The following AGTPBP1 variants were observed in gnomAD, a reference collection of about 807,000 sequenced individuals.
AGTPBP1 encodes cytosolic carboxypeptidase 1.
AGTPBP1 carries 70 observed loss-of-function variants against 143.9 expected under a neutral mutation model. The observed-to-expected ratio is 0.49, with a 90% CI of 0.40 to 0.59. AGTPBP1 has a LOEUF of 0.59. AGTPBP1 is among the 20% of genes least tolerant of loss of function. AGTPBP1 has a pLI of 0.00. For synonymous variants in AGTPBP1, 463 were observed against 500.2 expected, an observed-to-expected ratio of 0.93 and a Z score of 0.99; for missense variants, 1,229 against 1,464.5, an observed-to-expected ratio of 0.84 and a Z score of 2.62.
intron 25 of AGTPBP1, among the ~76,000 whole-genome samples, chr9:85,573,337 C>G (rs933700326): frequency 6.6e-6 from 1 of 152,214 alleles, no homozygotes; most frequent in Non-Finnish European, 1.5e-5. Context: ...AGCTCCTAAC[C>G]GCGAGTGATC....
chr9:85,567,471 A>G (rs1346132835), intron 25 of AGTPBP1, among the ~76,000 whole-genome samples: 1 of 152,170 alleles, frequency 6.6e-6, no homozygotes, highest in African/African-American at 2.4e-5. Flanking sequence ...CCATGCCTGT[A>G]ATCCCAGCTA....
chr9:85,724,043 T>C (rs1838305102), intron 1 of AGTPBP1, among the ~76,000 whole-genome samples: 1 of 151,912 alleles, frequency 6.6e-6, no homozygotes, highest in Admixed American at 6.6e-5. Flanking sequence ...TCCTAGCACT[T>C]TGGGAGGCCG....
chr9:85,691,056 T>C (rs758745693), intron 3 of AGTPBP1, among the ~76,000 whole-genome samples: 1 of 152,184 alleles, frequency 6.6e-6, no homozygotes, highest in African/African-American at 2.4e-5. Flanking sequence ...GTTGGTTTTT[T>C]TGAGGAGGAG....
chr9:85,778,312 A>G, the AGTPBP1 span, among the ~76,000 whole-genome samples: 1 of 152,252 alleles, frequency 6.6e-6, no homozygotes, highest in South Asian at 2.1e-4. Context: ...ACCAAAGCCC[A>G]GTAACAGGCC....
intron 25 of AGTPBP1, among the ~76,000 whole-genome samples, chr9:85,550,094 T>C (rs1371417102): frequency 6.6e-6 from 1 of 151,976 alleles, no homozygotes; most frequent in Admixed American, 6.6e-5. Flanking sequence ...CAGTGCTAGC[T>C]CGGGCACATT....
At position 85,588,445 on chromosome 9, in the gene AGTPBP1, A is replaced by G; in HGVS notation, c.2756T>C (p.Val919Ala). 2 of 1,612,210 alleles carry G rather than the reference A, an allele frequency of 1.2e-6. No homozygotes were observed. The highest frequency in any genetic ancestry group is 2.2e-5 in the South Asian group (2 of 90,686). Reference sequence around the variant, plus strand: ...ACTTGCATTAGTTTCTCCAGGATGTACCCGAGCAGACAAGAAAACGTAAGG... The same window carrying G: ...ACTTGCATTAGTTTCTCCAGGATGTGCCCGAGCAGACAAGAAAACGTAAGG... ...NRPYVFLSAR[V>A]HPGETNASWV... The change falls in exon 21 of 26, where the codon GTA becomes GCA. Residue 919 changes from valine (V) to alanine (A), a missense_variant. Around this residue, in one of 2 missense-constraint regions of AGTPBP1, gnomAD observed 486 missense variants for 652.3 expected, o/e 0.75. Transcript: ENST00000357081.
chr9:85,723,190 G>A (rs1838244785), intron 1 of AGTPBP1, among the ~76,000 whole-genome samples: 6 of 152,358 alleles, frequency 3.9e-5, no homozygotes, highest in Admixed American at 3.3e-4. Flanking sequence ...CATGCTGGGA[G>A]AGCCACTGCT....
At chr9:85,719,991 T>G (rs1438614921) in intron 1 of AGTPBP1, among the ~76,000 whole-genome samples, 3 of 152,224 alleles carry the variant, frequency 2.0e-5, no homozygotes, top group Non-Finnish European at 4.4e-5. Context: ...TGAACCAGCC[T>G]TGCATCCCAG....
intron 19 of AGTPBP1, 45 bp from the exon 20 acceptor site, chr9:85,589,726 C>A: frequency 6.5e-7 from 1 of 1,534,234 alleles, no homozygotes; most frequent in South Asian, 1.2e-5. Context: ...CTTAAAAAGT[C>A]CCTATGATAT....
At chr9:85,667,132 T>C (rs1834178613) in intron 8 of AGTPBP1, among the ~76,000 whole-genome samples, 1 of 152,112 alleles carries the variant, frequency 6.6e-6, no homozygotes, top group Non-Finnish European at 1.5e-5. Context: ...GACACCAATA[T>C]TCTGTGTTAC....
chr9:85,747,100 T>C, the AGTPBP1 span, among the ~76,000 whole-genome samples: 3 of 152,178 alleles, frequency 2.0e-5, no homozygotes, highest in Admixed American at 6.5e-5. Context: ...CAAGTGATCC[T>C]CTGGTCTTGG....
At chr9:85,612,683 G>A (rs1409817042) in intron 17 of AGTPBP1, among the ~76,000 whole-genome samples, 1 of 152,122 alleles carries the variant, frequency 6.6e-6, no homozygotes, top group Non-Finnish European at 1.5e-5. Flanking sequence ...TCTGTAGTGA[G>A]GGGCAGTCGT....
chr9:85,737,325 G>A (rs1457647999), intron 1 of AGTPBP1, among the ~76,000 whole-genome samples: 4 of 152,088 alleles, frequency 2.6e-5, no homozygotes, highest in Admixed American at 2.6e-4. Flanking sequence ...CTTTTTTAAT[G>A]AAAGTGACTG....
chr9:85,609,284 A>C (rs1193205263), intron 17 of AGTPBP1, among the ~76,000 whole-genome samples: 1 of 143,912 alleles, frequency 6.9e-6, no homozygotes, highest in Admixed American at 7.3e-5. Context: ...TACCAAGTGT[A>C]CAGATCTTTT....
intron 2 of AGTPBP1, among the ~76,000 whole-genome samples, chr9:85,697,791 T>A (rs865810030): frequency 2.0e-4 from 31 of 152,250 alleles, no homozygotes; most frequent in African/African-American, 6.7e-4. Flanking sequence ...GATAAAATAA[T>A]CCGCATGAAC....
At chr9:85,663,280 C>T (rs780057083) in intron 8 of AGTPBP1, among the ~76,000 whole-genome samples, 2 of 152,108 alleles carry the variant, frequency 1.3e-5, no homozygotes, top group Non-Finnish European at 2.9e-5. Context: ...TGCAGAACCA[C>T]ATCTAGTATT....
chr9:85,752,797 A>G, the AGTPBP1 span, among the ~76,000 whole-genome samples: 2 of 152,200 alleles, frequency 1.3e-5, no homozygotes, highest in Non-Finnish European at 2.9e-5. Flanking sequence ...ACCGGAGGCC[A>G]GGAAGATCAC....
At chr9:85,713,456 G>A (rs1039198077) in intron 1 of AGTPBP1, among the ~76,000 whole-genome samples, 2 of 152,130 alleles carry the variant, frequency 1.3e-5, no homozygotes, top group South Asian at 2.1e-4. Flanking sequence ...ACTTGAACCC[G>A]GGAGGTGGAG....
chr9:85,605,966 T>C (rs1215354910), intron 17 of AGTPBP1, among the ~76,000 whole-genome samples: 2 of 151,460 alleles, frequency 1.3e-5, no homozygotes, highest in Non-Finnish European at 3.0e-5. Flanking sequence ...AAAGGGAAGA[T>C]AGGAAAGAAA....
Sources: gnomAD v4.1 joint callset for allele counts (sites outside exome capture counted in the v4.1 genomes callset) on GRCh38, gnomAD v4.1.1 for gene constraint, gnomAD v4.1.1 regional missense constraint, MANE v1.5 for transcripts, NCBI Gene and HGNC (gene_info 2026-07-23, HGNC 2026-07-21) for gene names.